Variants in ZFHX3 observed in about 807,000 individuals in gnomAD.
ZFHX3 encodes the protein zinc finger homeobox 3, also known as zinc finger homeobox protein 3.
ZFHX3 carries 42 observed loss-of-function variants against 279.1 expected under a neutral mutation model. The ratio of observed to expected loss-of-function variants is 0.15; its 90% CI spans 0.12 to 0.19. ZFHX3 has a LOEUF of 0.19. ZFHX3 is among the 10% of genes least tolerant of loss of function. ZFHX3 has a pLI of 1.00. For missense variants in ZFHX3, 4,981 were observed against 4,754.0 expected (o/e 1.05, Z -1.40); for synonymous variants, 2,293 against 1,957.8 (o/e 1.17, Z -4.52).
At chr16:73,405,456 C>T (rs9934948) in intron 3 of ZFHX3, among the ~76,000 whole-genome samples, 39,523 of 152,068 alleles carry the variant, frequency 0.26, 6,432 homozygotes, top group East Asian at 0.56. Flanking sequence ...AGCATGTCTC[C>T]TTATCTGTAT....
chr16:73,867,970 C>A lies in ZFHX3; in HGVS notation c.-1608+23681G>T, dbSNP rs958855227. On this transcript the variant is annotated intron_variant, in intron 1 of 17. Coordinates refer to the ZFHX3 transcript ENST00000641206. The stretch of plus-strand genomic sequence containing the variant: ...AGCAATGAGGGCCGGCCAACCAGGC[C>A]ATTCTCCCTAGCGCTGGGTGCCAGG... Among the ~76,000 whole-genome samples the A allele has an allele frequency of 2.0e-5, 3 of 152,182 alleles. No individual in the cohort carries two copies. In the East Asian group the frequency reaches 5.8e-4, roughly 29 times the overall value.
intron 1 of ZFHX3, among the ~76,000 whole-genome samples, chr16:72,977,540 A>G (rs1407207699): frequency 1.3e-5 from 2 of 151,970 alleles, no homozygotes; most frequent in Non-Finnish European, 2.9e-5. Context: ...TACAACCTGC[A>G]CTCGACTTTG....
intron 6 of ZFHX3, among the ~76,000 whole-genome samples, chr16:73,141,093 C>T (rs1246806031): frequency 6.6e-6 from 1 of 152,154 alleles, no homozygotes; most frequent in Non-Finnish European, 1.5e-5. Flanking sequence ...TGTGAAAGAA[C>T]AAAGTCAAGA....
chr16:73,131,671 T>A (rs1271141873), intron 6 of ZFHX3, among the ~76,000 whole-genome samples: 1 of 152,180 alleles, frequency 6.6e-6, no homozygotes, highest in Non-Finnish European at 1.5e-5. Flanking sequence ...TGATTTTGCC[T>A]GGGGCCAGTA....
chr16:73,775,322 T>C (rs956671231), intron 1 of ZFHX3, among the ~76,000 whole-genome samples: 17 of 152,300 alleles, frequency 1.1e-4, no homozygotes, highest in African/African-American at 4.1e-4. Flanking sequence ...GGCCATCCTA[T>C]TGTAGCACCA....
At chr16:73,428,515 C>A (rs1176495388) in intron 3 of ZFHX3, among the ~76,000 whole-genome samples, 2 of 152,144 alleles carry the variant, frequency 1.3e-5, no homozygotes, top group African/African-American at 4.8e-5. Flanking sequence ...CCCCCAGCCA[C>A]CAGCCACCAG....
chr16:73,070,928 GCGCGCGCGC>G (rs1965817221), intron 8 of ZFHX3, among the ~76,000 whole-genome samples: 1 of 31,420 alleles, frequency 3.2e-5, no homozygotes, highest in African/African-American at 8.1e-5. Flanking sequence ...GCGCGCGCGC[GCGCGCGCGC>G]GCACACACAC....
At chr16:73,536,357 T>G (rs2019901482) in intron 2 of ZFHX3, among the ~76,000 whole-genome samples, 1 of 152,160 alleles carries the variant, frequency 6.6e-6, no homozygotes. Context: ...TTCTTGGTAG[T>G]GAAAATTTTG....
At chr16:73,552,959 G>T (rs1021890157) in intron 2 of ZFHX3, among the ~76,000 whole-genome samples, 1 of 152,122 alleles carries the variant, frequency 6.6e-6, no homozygotes, top group Non-Finnish European at 1.5e-5. Context: ...CACATCCACA[G>T]TCTGAGTATT....
intron 5 of ZFHX3, among the ~76,000 whole-genome samples, chr16:73,201,305 CA>C (rs1265755364): frequency 6.6e-6 from 1 of 152,184 alleles, no homozygotes; most frequent in Non-Finnish European, 1.5e-5. Context: ...CAGAGGAAAA[CA>C]GAACCAAAGT....
chr16:73,710,345 A>T (rs377233701), intron 1 of ZFHX3, among the ~76,000 whole-genome samples: 2 of 152,298 alleles, frequency 1.3e-5, no homozygotes. Flanking sequence ...TTTAGGAAAA[A>T]GCCACAGCCT....
chr16:73,816,142 T>C (rs1409376789), intron 1 of ZFHX3: 1 of 152,210 alleles, frequency 6.6e-6, no homozygotes, highest in Non-Finnish European at 1.5e-5. Context: ...CATACATATA[T>C]ACATACGTGC....
chr16:73,839,790 G>A (rs1567426885), intron 1 of ZFHX3, among the ~76,000 whole-genome samples: 1 of 152,130 alleles, frequency 6.6e-6, no homozygotes, highest in Non-Finnish European at 1.5e-5. Context: ...GCTGCCCTCC[G>A]ACATGGGAAA....
chr16:73,642,116 T>G (rs994207073), intron 2 of ZFHX3, among the ~76,000 whole-genome samples: 1 of 152,174 alleles, frequency 6.6e-6, no homozygotes, highest in Non-Finnish European at 1.5e-5. Flanking sequence ...TCAGGTCACA[T>G]TGGTTCATGA....
At chr16:72,912,281 G>A (rs756044483) in intron 3 of ZFHX3, among the ~76,000 whole-genome samples, 5 of 152,190 alleles carry the variant, frequency 3.3e-5, no homozygotes, top group African/African-American at 1.2e-4. Flanking sequence ...TGAAAGGAGA[G>A]GGTTAGTAAA....
rs191869054 is a variant in ZFHX3 at position 73,644,389 on chromosome 16, G to T, written c.-1547+35791C>A. Among the ~76,000 whole-genome samples the T allele has an allele frequency of 5.9e-5, 9 of 152,164 alleles. No individual in the cohort carries two copies. The East Asian group carries it at 1.7e-3, about 30-fold the overall frequency. On this transcript the variant is annotated intron_variant, in intron 2 of 17. Transcript: ENST00000641206. ...AAGCAGCAGTTTCCAGCTGGGCACGGTGGCTCATGCCTGTAATCCCAGCAC... is the reference window on the plus strand; with the variant it reads ...AAGCAGCAGTTTCCAGCTGGGCACGTTGGCTCATGCCTGTAATCCCAGCAC...
chr16:73,867,399 G>A (rs1322167793), intron 1 of ZFHX3, among the ~76,000 whole-genome samples: 2 of 152,100 alleles, frequency 1.3e-5, no homozygotes, highest in Non-Finnish European at 1.5e-5. Flanking sequence ...GCTTAGTAAG[G>A]TGGATTGCTC....
intron 5 of ZFHX3, among the ~76,000 whole-genome samples, chr16:73,159,399 G>T (rs79410984): frequency 6.6e-6 from 1 of 152,194 alleles, no homozygotes; most frequent in South Asian, 2.1e-4. Flanking sequence ...CCAATGGGAG[G>T]ATAGCTAAGG....
chr16:73,219,688 C>T (rs1398847703), intron 5 of ZFHX3, among the ~76,000 whole-genome samples: 1 of 152,190 alleles, frequency 6.6e-6, no homozygotes. Flanking sequence ...ACTGTGATGG[C>T]TTCTTCTGGA....
Sources: allele counts gnomAD v4.1 joint callset (sites outside exome capture counted in the v4.1 genomes callset), GRCh38; gene constraint gnomAD v4.1.1; transcripts MANE v1.5; gene names NCBI Gene and HGNC (gene_info 2026-07-23, HGNC 2026-07-21).